Variants in EYS observed in about 807,000 individuals in gnomAD.
EYS encodes protein eyes shut homolog.
EYS carries 250 observed loss-of-function variants against 282.1 expected under a neutral mutation model. The observed-to-expected ratio is 0.89, with a 90% CI of 0.80 to 0.98. The LOEUF (loss-of-function observed/expected upper bound fraction) is 0.98. Among genes scored for constraint, EYS ranks in the 50% least tolerant of loss-of-function variants. The pLI, the probability that EYS is intolerant of heterozygous loss-of-function variation, is 0.00. For missense variants in EYS, 4,016 were observed against 3,709.0 expected (o/e 1.08, Z -2.15); for synonymous variants, 1,355 against 1,282.9 (o/e 1.06, Z -1.20).
chr6:65,078,154 C>T (rs1774113521), intron 12 of EYS, among the ~76,000 whole-genome samples: 1 of 152,056 alleles, frequency 6.6e-6, no homozygotes, highest in Non-Finnish European at 1.5e-5. Context: ...TTTGTGGAAT[C>T]TAAACAGCCT....
chr6:63,908,016 A>ATATATATATACACG (rs1773821674), intron 35 of EYS, among the ~76,000 whole-genome samples: 1 of 91,082 alleles, frequency 1.1e-5, no homozygotes, highest in Non-Finnish European at 2.1e-5. Flanking sequence ...ACAAACGTAT[A>ATATATATATACACG]TATATATATA....
chr6:65,530,121 T>C (rs761176448), intron 2 of EYS, among the ~76,000 whole-genome samples: 13 of 152,356 alleles, frequency 8.5e-5, no homozygotes, highest in Non-Finnish European at 1.9e-4. Context: ...CTCAGGTTTT[T>C]GTTTTTATAA....
chr6:64,590,296 A>ATGCC lies in EYS; in HGVS notation c.5567_5570dup (p.His1857GlnfsTer7). ...AAGTAAGAGATCTAGTGAAGGGAAG[A>ATGCC]TGCCGGCTTGCAGTGGGAAATTCCT... On this transcript the variant is annotated frameshift_variant, in exon 26 of 43. Transcript: ENST00000503581. LOFTEE classifies it high-confidence loss of function. The ATGCC allele has an allele frequency of 6.4e-7, 1 of 1,551,178 alleles. No homozygotes were observed. Among genetic ancestry groups the ATGCC allele is most frequent in the Non-Finnish European group, 8.7e-7 (1 of 1,146,596 alleles).
At chr6:63,852,186 AAT>A (rs1772275880) in intron 36 of EYS, among the ~76,000 whole-genome samples, 1 of 142,944 alleles carries the variant, frequency 7.0e-6, no homozygotes, top group Non-Finnish European at 1.5e-5. Flanking sequence ...AAAAAAAATC[AAT>A]GAATTGAGGA....
At chr6:64,281,840 CA>C (rs970517871) in intron 30 of EYS, among the ~76,000 whole-genome samples, 1 of 151,970 alleles carries the variant, frequency 6.6e-6, no homozygotes, top group Non-Finnish European at 1.5e-5. Flanking sequence ...GGAAGAGATT[CA>C]GGGGAGCAAA....
At chr6:64,570,562 G>A (rs1207157703) in intron 26 of EYS, among the ~76,000 whole-genome samples, 2 of 152,008 alleles carry the variant, frequency 1.3e-5, no homozygotes, top group African/African-American at 4.8e-5. Context: ...CACGTGTATA[G>A]GCTCAAAATA....
intron 22 of EYS, among the ~76,000 whole-genome samples, chr6:64,693,424 A>G (rs747913625): frequency 6.6e-6 from 1 of 152,154 alleles, no homozygotes; most frequent in Non-Finnish European, 1.5e-5. Flanking sequence ...AAAATGAGCT[A>G]TTGTGATAAA....
At chr6:64,311,065 A>T (rs1180292161) in intron 29 of EYS, among the ~76,000 whole-genome samples, 1 of 151,942 alleles carries the variant, frequency 6.6e-6, no homozygotes, top group African/African-American at 2.4e-5. Flanking sequence ...AAAATAATTT[A>T]TTAAAATTAA....
chr6:65,663,673 C>G (rs1028047221), intron 1 of EYS, among the ~76,000 whole-genome samples: 1 of 151,556 alleles, frequency 6.6e-6, no homozygotes, highest in Admixed American at 6.6e-5. Flanking sequence ...TAGATAAAAT[C>G]TTTATTTATT....
chr6:65,455,995 G>A (rs1246468820), intron 5 of EYS, among the ~76,000 whole-genome samples: 2 of 143,630 alleles, frequency 1.4e-5, no homozygotes, highest in South Asian at 4.4e-4. Flanking sequence ...AAGAGAGAGA[G>A]AAAGAAAAAG....
chr6:65,659,102 C>T (rs1235446469), intron 1 of EYS, among the ~76,000 whole-genome samples: 1 of 151,218 alleles, frequency 6.6e-6, no homozygotes, highest in Non-Finnish European at 1.5e-5. Context: ...TAATTTATAG[C>T]CTTACATATC....
intron 22 of EYS, among the ~76,000 whole-genome samples, chr6:64,664,997 T>C (rs567386329): frequency 6.6e-6 from 1 of 152,368 alleles, no homozygotes; most frequent in African/African-American, 2.4e-5. Flanking sequence ...ATTTCTTGCA[T>C]ATTTCTGCAC....
chr6:63,942,460 A>G (rs1765271267), intron 35 of EYS, among the ~76,000 whole-genome samples: 1 of 152,188 alleles, frequency 6.6e-6, no homozygotes, highest in Non-Finnish European at 1.5e-5. Flanking sequence ...AGGTGTCTCT[A>G]ATTAATAGAA....
At chr6:64,477,209 T>C (rs1459000752) in intron 26 of EYS, among the ~76,000 whole-genome samples, 1 of 152,152 alleles carries the variant, frequency 6.6e-6, no homozygotes, top group Non-Finnish European at 1.5e-5. Flanking sequence ...AATGTTTTCT[T>C]CTCTTGCCAC....
At chr6:65,625,243 G>A (rs1266029948) in intron 2 of EYS, among the ~76,000 whole-genome samples, 7 of 152,126 alleles carry the variant, frequency 4.6e-5, no homozygotes, top group East Asian at 1.9e-4. Context: ...TATATTCCCC[G>A]AAAAGCCATG....
At chr6:64,072,543 G>A (rs575320669) in intron 32 of EYS, among the ~76,000 whole-genome samples, 1 of 151,738 alleles carries the variant, frequency 6.6e-6, no homozygotes, top group South Asian at 2.1e-4. Context: ...GTTGGGAGTT[G>A]GAGCATATTT....
intron 13 of EYS, among the ~76,000 whole-genome samples, chr6:65,002,907 G>A (rs9363317): frequency 0.089 from 11,463 of 129,264 alleles, 1,779 homozygotes; most frequent in East Asian, 0.17. Context: ...ATATCCTAGT[G>A]ATTTCCTATG....
intron 30 of EYS, among the ~76,000 whole-genome samples, chr6:64,303,827 C>G (rs1215580801): frequency 1.0e-5 from 1 of 100,108 alleles, no homozygotes; most frequent in Non-Finnish European, 1.8e-5. Context: ...GGCGACAGAG[C>G]GAAACTCCGT....
intron 30 of EYS, among the ~76,000 whole-genome samples, chr6:64,265,504 G>A (rs537121218): frequency 1.5e-4 from 23 of 152,148 alleles, no homozygotes; most frequent in Non-Finnish European, 3.2e-4. Context: ...TTTTCATGAT[G>A]TCTAACGTCT....
Sources: gnomAD v4.1 joint callset for allele counts (sites outside exome capture counted in the v4.1 genomes callset) on GRCh38, gnomAD v4.1.1 for gene constraint, MANE v1.5 for transcripts, NCBI Gene and HGNC (gene_info 2026-07-23, HGNC 2026-07-21) for gene names.